NFIX: variants seen among roughly 807,000 people sequenced by gnomAD.
The protein encoded by NFIX is nuclear factor 1 X-type.
NFIX carries 2 observed loss-of-function variants against 53.3 expected under a neutral mutation model. The observed-to-expected ratio is 0.04, with a 90% CI of 0.02 to 0.12. NFIX has a LOEUF of 0.12. Ranked by LOEUF, NFIX falls within the 10% of genes least tolerant of loss-of-function variation. The pLI is 1.00. For synonymous variants in NFIX, 244 were observed against 289.0 expected (o/e 0.84, Z 1.58); for missense variants, 310 against 674.5 (o/e 0.46, Z 5.99).
At chr19:13,048,024 A>G (rs368031556) in intron 2 of NFIX, among the ~76,000 whole-genome samples, 15 of 152,210 alleles carry the variant, frequency 9.9e-5, no homozygotes, top group Admixed American at 2.0e-4. Flanking sequence ...TCTGAACCCT[A>G]TCTCATTTAA....
chr19:13,011,244 A>C lies in NFIX; in HGVS notation c.28-13777A>C, dbSNP rs998642421. ...CGAATCCCGCAGCCCCAGAAACACA[A>C]TCGCGGGGGTGGGTGCTGGCGGCGA... is the stretch of plus-strand genomic sequence containing the variant. On this transcript the variant is annotated intron_variant, in intron 1 of 10. Coordinates refer to ENST00000592199, the MANE Select transcript of NFIX (RefSeq NM_001365902.3). This position sits in a 1 kb window ranked among gnomAD's most constrained non-coding sequence, Gnocchi z 6.5. Among the ~76,000 whole-genome samples the C allele has an allele frequency of 6.6e-6, 1 of 151,946 alleles. No individual in the cohort carries two copies. Among genetic ancestry groups the C allele is most frequent in the East Asian group, 1.9e-4 (1 of 5,158 alleles).
rs867954107 is a variant in NFIX, at chr19:13,088,124, C to T, written c.1390C>T (p.Pro464Ser). ...TGCCCCAGACGGCGCCGCCTTGACT[C>T]CTCCATCACCTTGTAAGTGGACGAT... The part of the protein sequence containing the change: ...STAPDGAALT[P>S]PSPSFATTGA... The change falls in exon 9 of 11, where the codon CCT becomes TCT. Residue 464 changes from proline (P) to serine (S), a missense_variant. Transcript: ENST00000592199. This position sits in a 1 kb window ranked among gnomAD's most constrained non-coding sequence, Gnocchi z 5.9. The T allele has an allele frequency of 6.5e-6, 10 of 1,536,644 alleles. No individual in the cohort carries two copies. The highest frequency in any genetic ancestry group is 2.4e-5 in the East Asian group (1 of 40,920).
intron 6 of NFIX, among the ~76,000 whole-genome samples, chr19:13,076,595 G>A (rs1353372450): frequency 2.6e-5 from 4 of 152,212 alleles, no homozygotes; most frequent in South Asian, 2.1e-4. Flanking sequence ...ACTCACGCGT[G>A]TGGGTTGTGC....
At position 13,021,563 on chromosome 19, in the gene NFIX, G is replaced by A. The variant is rs916126660; in HGVS notation, c.28-3458G>A. Among the ~76,000 whole-genome samples the A allele has an allele frequency of 6.6e-6, 1 of 152,216 alleles. No homozygotes were observed. ...TTTTTTCCGTCGCCAGCTGAGGACT[G>A]AGCCTCGCTGAGGGAGAGGGCGGCT... is the stretch of plus-strand genomic sequence containing the variant. On this transcript the variant is annotated intron_variant, in intron 1 of 10. Coordinates refer to ENST00000592199, the MANE Select transcript of NFIX (RefSeq NM_001365902.3). This position sits in a 1 kb window ranked among gnomAD's most constrained non-coding sequence, Gnocchi z 4.2.
At chr19:13,026,965 G>A (rs527582879) in intron 2 of NFIX, among the ~76,000 whole-genome samples, 1 of 152,322 alleles carries the variant, frequency 6.6e-6, no homozygotes, top group Non-Finnish European at 1.5e-5. Flanking sequence ...CCCCTTGCCT[G>A]TTTGGGAAGT....
Position 13,073,024 on chromosome 19 carries a change from C to T in NFIX, c.560-23C>T. On this transcript the variant is annotated intron_variant, in intron 2 of 10. Transcript: ENST00000592199. The surrounding 1 kb of genome is among the most constrained non-coding windows in gnomAD (Gnocchi z 4.5). ...TGGGGAACTTTGCTCCTGATACATTCTCCCCTTTTGTGTCTCCTGCAGAAT... is the reference window on the plus strand; with the variant it reads ...TGGGGAACTTTGCTCCTGATACATTTTCCCCTTTTGTGTCTCCTGCAGAAT... 2 of 1,612,482 alleles carry T rather than the reference C, an allele frequency of 1.2e-6. No homozygotes were observed. The highest frequency in any genetic ancestry group is 1.1e-5 in the South Asian group (1 of 91,050).
chr19:13,015,790 TCACACACACACA>T (rs5827172), intron 1 of NFIX, among the ~76,000 whole-genome samples: 11 of 132,052 alleles, frequency 8.3e-5, no homozygotes, highest in Non-Finnish European at 1.8e-4. Flanking sequence ...CATAGAGAGA[TCACACACACACA>T]CACACACACA....
At position 13,043,907 on chromosome 19, in the gene NFIX, T is replaced by A. The variant is rs2014805976; in HGVS notation, c.559+18355T>A. 6.6e-6 allele frequency among the ~76,000 whole-genome samples: 1 copy of A among 152,124 alleles called. No homozygotes were observed. The highest frequency in any genetic ancestry group is 1.5e-5 in the Non-Finnish European group (1 of 68,016). ...TGGGAGGCCGATGTGGGAGGATCATTTGAGCCCAGGAGTTCGAGCCTGGGC... is the reference window on the plus strand; with the variant it reads ...TGGGAGGCCGATGTGGGAGGATCATATGAGCCCAGGAGTTCGAGCCTGGGC... On this transcript the variant is annotated intron_variant, in intron 2 of 10. Transcript: ENST00000592199. The surrounding 1 kb of genome is among the most constrained non-coding windows in gnomAD (Gnocchi z 4.0).
At chr19:13,041,165 G>A (rs1216939758) in intron 2 of NFIX, among the ~76,000 whole-genome samples, 1 of 152,172 alleles carries the variant, frequency 6.6e-6, no homozygotes, top group Non-Finnish European at 1.5e-5. Context: ...GAAAGTTCAG[G>A]AGGCCAAGCC....
intron 1 of NFIX, among the ~76,000 whole-genome samples, chr19:13,019,052 C>T (rs781278496): frequency 8.6e-5 from 13 of 152,034 alleles, no homozygotes; most frequent in Non-Finnish European, 1.6e-4. Context: ...TCAACATGGG[C>T]CCAAGTGTCC....
At position 13,094,915 on chromosome 19, in the gene NFIX, GACT is replaced by G; in HGVS notation, c.*267_*269del. 2.0e-6 allele frequency: 1 copy of G among 511,582 alleles called. No individual in the cohort carries two copies. 31.7% of individuals were successfully genotyped at this position (511,582 alleles called of 1,614,324 possible). ...CAAGCAGAAAGAAACACGCGACATG[GACT>G]CTGTCAAGTAGAGGACAGAAAGCAA... is the stretch of plus-strand genomic sequence containing the variant. On this transcript the variant is annotated 3_prime_UTR_variant, in exon 11 of 11. Transcript: ENST00000592199. The surrounding 1 kb of genome is among the most constrained non-coding windows in gnomAD (Gnocchi z 4.3).
At chr19:13,069,505 A>AG (rs1302269296) in intron 2 of NFIX, among the ~76,000 whole-genome samples, 1 of 152,160 alleles carries the variant, frequency 6.6e-6, no homozygotes, top group Admixed American at 6.5e-5. Flanking sequence ...CAGACACTGG[A>AG]GGGGGCTCCC....
In NFIX at chr19:13,006,438, C is replaced by T. The variant is rs1303166088; in HGVS notation, c.27+10574C>T. On this transcript the variant is annotated intron_variant, in intron 1 of 10. Coordinates refer to ENST00000592199, the MANE Select transcript of NFIX (RefSeq NM_001365902.3). The surrounding 1 kb of genome is among the most constrained non-coding windows in gnomAD (Gnocchi z 5.6). Reference sequence around the variant, plus strand: ...TTGTGGATATGCCATACGGTGCCCGCCCAAAATCTGGGGACAAGATGGCCG... The same window carrying T: ...TTGTGGATATGCCATACGGTGCCCGTCCAAAATCTGGGGACAAGATGGCCG... Among the ~76,000 whole-genome samples, 1 of 152,196 alleles carries T rather than the reference C, an allele frequency of 6.6e-6. No homozygotes were observed. Among genetic ancestry groups the T allele is most frequent in the Non-Finnish European group, 1.5e-5 (1 of 68,030 alleles).
In NFIX at chr19:13,036,330, T is replaced by C. The variant is rs2014184876; in HGVS notation, c.559+10778T>C. On this transcript the variant is annotated intron_variant, in intron 2 of 10. Transcript: ENST00000592199. This position sits in a 1 kb window ranked among gnomAD's most constrained non-coding sequence, Gnocchi z 4.7. ...TTTATTTCATCATAATTGTTTGTTT[T>C]GGGTTTAACAATACAGCAGGGAGAA... Among the ~76,000 whole-genome samples, 1 of 152,190 alleles carries C rather than the reference T, an allele frequency of 6.6e-6. No homozygotes were observed.
chr19:13,025,339 C>A lies in NFIX; in HGVS notation c.346C>A (p.Arg116=). The A allele has an allele frequency of 1.9e-6, 3 of 1,614,096 alleles. No homozygotes were observed. Among genetic ancestry groups the A allele is most frequent in the Non-Finnish European group, 2.5e-6 (3 of 1,179,950 alleles). ...SNPDQKGKIR[R]IDCLRQADKV... ...CCCCGACCAGAAGGGCAAGATCCGG[C>A]GGATTGACTGCCTGCGCCAGGCTGA... is the stretch of plus-strand genomic sequence containing the variant. The change falls in exon 2 of 11, where the codon CGG becomes AGG. Residue 116 remains arginine (R), a synonymous_variant. Transcript: ENST00000592199. This position sits in a 1 kb window ranked among gnomAD's most constrained non-coding sequence, Gnocchi z 7.5.
At chr19:13,085,150 G>A (rs2017701702) in intron 8 of NFIX, among the ~76,000 whole-genome samples, 1 of 151,972 alleles carries the variant, frequency 6.6e-6, no homozygotes, top group Admixed American at 6.6e-5. Context: ...AGGTTTTAAG[G>A]CACTGCACAG....
intron 7 of NFIX, among the ~76,000 whole-genome samples, chr19:13,080,028 C>G (rs1332970206): frequency 6.6e-6 from 1 of 152,220 alleles, no homozygotes; most frequent in Non-Finnish European, 1.5e-5. Context: ...CTGGCTTTGT[C>G]TTCATCCAGA....
Position 13,005,192 on chromosome 19 carries a change from C to T in NFIX, c.27+9328C>T, listed in dbSNP as rs1270655357. Among the ~76,000 whole-genome samples, 1 of 152,236 alleles carries T rather than the reference C, an allele frequency of 6.6e-6. No homozygotes were observed. Among genetic ancestry groups the T allele is most frequent in the Non-Finnish European group, 1.5e-5 (1 of 68,042 alleles). ...TCCTTTGGCCTTTGACTCCCCAGTTCTGACCCCAGAGAAAGAAGAGACAGC... is the reference window on the plus strand; with the variant it reads ...TCCTTTGGCCTTTGACTCCCCAGTTTTGACCCCAGAGAAAGAAGAGACAGC... On this transcript the variant is annotated intron_variant, in intron 1 of 10. Coordinates refer to ENST00000592199, the MANE Select transcript of NFIX (RefSeq NM_001365902.3). This position sits in a 1 kb window ranked among gnomAD's most constrained non-coding sequence, Gnocchi z 4.7.
At chr19:13,017,977 C>T (rs142600483) in intron 1 of NFIX, among the ~76,000 whole-genome samples, 33 of 152,296 alleles carry the variant, frequency 2.2e-4, no homozygotes, top group African/African-American at 6.7e-4. Flanking sequence ...TCACGCACTT[C>T]GGAAGGTTTC....
Sources: gnomAD v4.1 joint callset for allele counts (sites outside exome capture counted in the v4.1 genomes callset) on GRCh38, gnomAD v4.1.1 for gene constraint, Gnocchi (gnomAD v3.1) non-coding constraint, MANE v1.5 for transcripts, NCBI Gene and HGNC (gene_info 2026-07-23, HGNC 2026-07-21) for gene names.